MORC3: variants seen among roughly 807,000 people sequenced by gnomAD.
MORC3 encodes MORC family CW-type zinc finger protein 3.
A neutral mutation model predicts 109.1 loss-of-function variants in MORC3; 31 were observed. The observed-to-expected ratio is 0.28, with a 90% confidence interval of 0.21 to 0.38. The LOEUF (loss-of-function observed/expected upper bound fraction) is 0.38, where lower values mean the gene tolerates loss of function less well. Among genes scored for constraint, MORC3 ranks in the 10% least tolerant of loss-of-function variants. The pLI, the probability that MORC3 is intolerant of heterozygous loss-of-function variation, is 1.00. For missense variants in MORC3, 867 were observed against 1,135.8 expected, an observed-to-expected ratio of 0.76 and a Z score of 3.40; for synonymous variants, 395 against 380.7, an observed-to-expected ratio of 1.04 and a Z score of -0.44.
At chr21:36,351,948 A>AT (rs1478996097) in intron 9 of MORC3, among the ~76,000 whole-genome samples, 1 of 152,222 alleles carries the variant, frequency 6.6e-6, no homozygotes, top group Non-Finnish European at 1.5e-5. Flanking sequence ...TAGCCTTGTT[A>AT]GTAAGCTCAA....
chr21:36,369,166 CAG>C lies in MORC3; in HGVS notation c.1801_1802del (p.His602ArgfsTer2). ...VDHDIDMKSE[Q>X]SHVEQGGVQV... ...TCATGATATTGACATGAAATCAGAA[CAG>C]AGTCACGTTGAGCAAGGTGGTGTTC... On this transcript the variant is annotated frameshift_variant, in exon 15 of 17. Transcript: ENST00000400485. LOFTEE classifies it high-confidence loss of function. 6.2e-7 allele frequency: 1 copy of C among 1,614,092 alleles called. No individual in the cohort carries two copies. The highest frequency in any genetic ancestry group is 8.5e-7 in the Non-Finnish European group (1 of 1,180,022).
Position 36,360,021 on chromosome 21 carries a change from G to C in MORC3, c.1275G>C (p.Gly425=), listed in dbSNP as rs762351048. The C allele has an allele frequency of 1.9e-6, 3 of 1,614,040 alleles. No individual in the cohort carries two copies. The highest frequency in any genetic ancestry group is 4.5e-5 in the East Asian group (2 of 44,892). ...TAAAGTGGCGGAAATTACCTGATGGGATGGATCAACTTCCTGAAAAATGGT... is the reference window on the plus strand; with the variant it reads ...TAAAGTGGCGGAAATTACCTGATGGCATGGATCAACTTCCTGAAAAATGGT... ...ACLKWRKLPD[G]MDQLPEKWYC... The change falls in exon 11 of 17, where the codon GGG becomes GGC. Residue 425 remains glycine, a synonymous_variant. Coordinates refer to ENST00000400485, the MANE Select transcript of MORC3 (RefSeq NM_015358.3).
chr21:36,370,623 ATATATATATATATATATTTTTTTTTT>A (rs2085846070), intron 15 of MORC3, among the ~76,000 whole-genome samples: 1 of 14,162 alleles, frequency 7.1e-5, no homozygotes, highest in Admixed American at 9.8e-4. Flanking sequence ...ATATATATAT[ATATATATATATATATATTTTTTTTTT>A]TTTTTTTTTT....
chr21:36,356,041 A>G (rs1027596386), intron 9 of MORC3, among the ~76,000 whole-genome samples: 1 of 152,152 alleles, frequency 6.6e-6, no homozygotes, highest in Admixed American at 6.6e-5. Flanking sequence ...GGAGATAAGC[A>G]TGTCATAAGG....
intron 2 of MORC3, among the ~76,000 whole-genome samples, chr21:36,334,186 T>TTGAGG (rs1013829890): frequency 2.6e-5 from 4 of 152,050 alleles, no homozygotes; most frequent in African/African-American, 9.7e-5. Context: ...GACCGGGAAG[T>TTGAGG]TGAGGCTGCA....
In MORC3 at chr21:36,337,067, C is replaced by T. The variant is rs370305938; in HGVS notation, c.245+61C>T. On this transcript the variant is annotated intron_variant, in intron 3 of 16. Coordinates refer to ENST00000400485, the MANE Select transcript of MORC3 (RefSeq NM_015358.3). ...GCTTTTACCTAAAGGGTTTTCCATG[C>T]CATACTTACTATTCTTGGTTTTTGT... 1.8e-4 allele frequency: 273 copies of T among 1,556,820 alleles called. 4 individuals are homozygous for T. In the South Asian group the frequency reaches 2.8e-3, roughly 16 times the overall value.
intron 14 of MORC3, among the ~76,000 whole-genome samples, chr21:36,368,601 C>G (rs1009863800): frequency 3.9e-5 from 6 of 152,194 alleles, no homozygotes; most frequent in African/African-American, 1.4e-4. Context: ...TATAGCTGGG[C>G]ACAGTGGCTC....
At position 36,359,058 on chromosome 21, in the gene MORC3, G is replaced by A. The variant is rs181916521; in HGVS notation, c.1209-897G>A. 1.7e-3 allele frequency among the ~76,000 whole-genome samples: 259 copies of A among 152,178 alleles called. 1 individual carries two copies. The highest frequency in any genetic ancestry group is 2.8e-3 in the Non-Finnish European group (191 of 68,002). Reference sequence around the variant, plus strand: ...ATTTTAGTTATTCAGAAATAAGAGGGCAAAAGTGTCTTATTTAAAGTTACT... The same window carrying A: ...ATTTTAGTTATTCAGAAATAAGAGGACAAAAGTGTCTTATTTAAAGTTACT... On this transcript the variant is annotated intron_variant, in intron 10 of 16. Transcript: ENST00000400485.
chr21:36,321,332 A>C (rs1400636635), intron 1 of MORC3, among the ~76,000 whole-genome samples: 1 of 152,118 alleles, frequency 6.6e-6, no homozygotes, highest in Non-Finnish European at 1.5e-5. Context: ...AGCTCTTCGC[A>C]TGTATTAGTC....
intron 1 of MORC3, among the ~76,000 whole-genome samples, chr21:36,332,840 T>C (rs1320488888): frequency 6.7e-6 from 1 of 148,802 alleles, no homozygotes; most frequent in Non-Finnish European, 1.5e-5. Context: ...CAGGCTGGAG[T>C]GCAGTGGCAC....
At chr21:36,342,502 A>G (rs2146305792) in intron 6 of MORC3, among the ~76,000 whole-genome samples, 1 of 152,096 alleles carries the variant, frequency 6.6e-6, no homozygotes, top group Non-Finnish European at 1.5e-5. Flanking sequence ...TCCTGGCCCC[A>G]AGCAATCCTT....
intron 12 of MORC3, chr21:36,360,544 A>G (rs1207669703): frequency 2.3e-6 from 1 of 426,798 alleles, no homozygotes; most frequent in Non-Finnish European, 4.3e-6. Flanking sequence ...CCCCCATTGA[A>G]GCTTATAGAG....
intron 1 of MORC3, among the ~76,000 whole-genome samples, chr21:36,325,416 A>C (rs1259905767): frequency 6.6e-6 from 1 of 152,218 alleles, no homozygotes; most frequent in Non-Finnish European, 1.5e-5. Flanking sequence ...CACATTGTTC[A>C]GTTTGCTGAC....
At chr21:36,333,822 G>T in intron 2 of MORC3, 104 bp downstream of exon 2, 1 of 949,582 alleles carries the variant, frequency 1.1e-6, no homozygotes, top group Non-Finnish European at 1.6e-6. Context: ...TCTCTCTGTC[G>T]CCCAGGCTGG....
chr21:36,324,857 G>A (rs527788687), intron 1 of MORC3, among the ~76,000 whole-genome samples: 6 of 151,996 alleles, frequency 3.9e-5, no homozygotes, highest in African/African-American at 7.3e-5. Context: ...ACAGGCATGC[G>A]CCACCATGCC....
intron 9 of MORC3, among the ~76,000 whole-genome samples, chr21:36,352,400 G>C (rs1040961924): frequency 3.7e-4 from 9 of 24,502 alleles, no homozygotes; most frequent in East Asian, 0.1. Context: ...AAAAGGGGTG[G>C]GGGGGGGCAG....
At chr21:36,339,901 T>C (rs1375831577) in intron 5 of MORC3, among the ~76,000 whole-genome samples, 2 of 152,160 alleles carry the variant, frequency 1.3e-5, no homozygotes. Context: ...CTGAGGTAAT[T>C]GTAGATTCAT....
chr21:36,349,198 A>C (rs1304672027), intron 8 of MORC3, 113 bp from the exon 9 acceptor site: 1 of 703,262 alleles, frequency 1.4e-6, no homozygotes. Context: ...AAATGTGATG[A>C]GAATCATACA....
rs773372602 is a variant in MORC3, at chr21:36,344,638, A to G, written c.816A>G (p.Lys272=). The change falls in exon 7 of 17, where the codon AAA becomes AAG. Residue 272 remains lysine, a synonymous_variant. Coordinates refer to ENST00000400485, the MANE Select transcript of MORC3 (RefSeq NM_015358.3). ...TGCAGATCATCCTACGTGGACAGAA[A>G]GTGAAGACACAGCTGGTTTCGAAGA... ...PRMQIILRGQ[K]VKTQLVSKSL... is the part of the protein sequence containing the mutation. 1.2e-6 allele frequency: 2 copies of G among 1,614,060 alleles called. No individual in the cohort carries two copies. The highest frequency in any genetic ancestry group is 2.7e-5 in the African/African-American group (2 of 74,952).
Sources: gnomAD v4.1 joint callset for allele counts (sites outside exome capture counted in the v4.1 genomes callset) on GRCh38, gnomAD v4.1.1 for gene constraint, MANE v1.5 for transcripts, NCBI Gene and HGNC (gene_info 2026-07-23, HGNC 2026-07-21) for gene names.